HIVEP3: variants seen among roughly 807,000 people sequenced by gnomAD.
HIVEP3 encodes transcription factor HIVEP3.
A neutral mutation model predicts 152.8 loss-of-function variants in HIVEP3; 49 were observed. The ratio of observed to expected loss-of-function variants is 0.32; its 90% CI spans 0.26 to 0.41. The LOEUF (loss-of-function observed/expected upper bound fraction) is 0.41, where lower values mean the gene tolerates loss of function less well. HIVEP3 is among the 10% of genes least tolerant of loss of function. HIVEP3 has a pLI of 1.00. For missense variants in HIVEP3, 2,790 were observed against 3,103.3 expected (o/e 0.90, Z 2.40); for synonymous variants, 1,269 against 1,289.0 (o/e 0.98, Z 0.33).
At chr1:41,650,015 C>T (rs777660709) in intron 2 of HIVEP3, among the ~76,000 whole-genome samples, 12 of 151,900 alleles carry the variant, frequency 7.9e-5, no homozygotes, top group Non-Finnish European at 1.3e-4. Flanking sequence ...GGAACGGAAA[C>T]GGAAAAGAAA....
At chr1:41,667,116 C>G (rs1645807675) in intron 2 of HIVEP3, among the ~76,000 whole-genome samples, 1 of 152,348 alleles carries the variant, frequency 6.6e-6, no homozygotes. Flanking sequence ...ACAGACTGTC[C>G]TGGCTTGTGC....
intron 1 of HIVEP3, among the ~76,000 whole-genome samples, chr1:42,033,332 T>A (rs1411018213): frequency 1.3e-5 from 2 of 152,160 alleles, no homozygotes; most frequent in South Asian, 2.1e-4. Flanking sequence ...TCTTTTTTTT[T>A]AATTACAAAA....
At position 41,800,652 on chromosome 1, in the gene HIVEP3, A is replaced by G. The variant is rs571677694; in HGVS notation, c.-800-99657T>C. On this transcript the variant is annotated intron_variant, in intron 1 of 8. Transcript: ENST00000372583. ...TCTGTTAAGCCAGCAATAGATAATG[A>G]AACAGAAGGGAAGGCTCAGAAGCCA... Among the ~76,000 whole-genome samples, 11 of 152,364 alleles carry G rather than the reference A, an allele frequency of 7.2e-5. No individual in the cohort carries two copies. In the South Asian group the frequency reaches 2.3e-3, roughly 32 times the overall value.
intron 1 of HIVEP3, among the ~76,000 whole-genome samples, chr1:41,917,654 T>A (rs1644891513): frequency 6.6e-6 from 1 of 152,154 alleles, no homozygotes; most frequent in African/African-American, 2.4e-5. Flanking sequence ...TTAGGGACCA[T>A]TCGGCACCAT....
At chr1:41,638,011 C>T (rs994384327) in intron 2 of HIVEP3, among the ~76,000 whole-genome samples, 12 of 152,096 alleles carry the variant, frequency 7.9e-5, no homozygotes, top group African/African-American at 2.9e-4. Context: ...AATGTGTACA[C>T]ATGGACACGA....
intron 1 of HIVEP3, among the ~76,000 whole-genome samples, chr1:41,994,041 C>T (rs1255864404): frequency 3.3e-5 from 5 of 150,242 alleles, no homozygotes; most frequent in Non-Finnish European, 7.4e-5. Context: ...GGGAGATATA[C>T]ATAATGCTAG....
intron 1 of HIVEP3, among the ~76,000 whole-genome samples, chr1:41,961,545 A>G (rs959366282): frequency 2.6e-5 from 4 of 152,254 alleles, no homozygotes; most frequent in Non-Finnish European, 5.9e-5. Flanking sequence ...AGATGTGTGT[A>G]GCTGACCTGG....
chr1:41,699,253 G>A (rs544181580), intron 2 of HIVEP3, among the ~76,000 whole-genome samples: 2 of 152,324 alleles, frequency 1.3e-5, no homozygotes, highest in Admixed American at 1.3e-4. Flanking sequence ...ATACAGAGAG[G>A]CCTTCCTGAG....
intron 1 of HIVEP3, among the ~76,000 whole-genome samples, chr1:41,760,683 G>A (rs1178077290): frequency 6.6e-6 from 1 of 152,208 alleles, no homozygotes; most frequent in Non-Finnish European, 1.5e-5. Context: ...CCTGGGGCTT[G>A]GGGGCCCTCT....
chr1:41,782,936 C>T (rs1359725840), intron 1 of HIVEP3, among the ~76,000 whole-genome samples: 1 of 152,070 alleles, frequency 6.6e-6, no homozygotes, highest in African/African-American at 2.4e-5. Context: ...CACCTCACTC[C>T]CCCCACACTC....
rs143930754 is a variant in HIVEP3, at chr1:41,829,121, G to A, written c.-801+89292C>T. 2.2e-3 allele frequency among the ~76,000 whole-genome samples: 335 copies of A among 151,920 alleles called. 3 individuals carry two copies. Among genetic ancestry groups the A allele is most frequent in the African/African-American group, 7.7e-3 (321 of 41,510 alleles). On this transcript the variant is annotated intron_variant, in intron 1 of 8. Transcript: ENST00000372583. ...CTGGCCAGGCCAGGCACTCACATCA[G>A]TGACCCGGCACTATATCATGAATGG...
intron 1 of HIVEP3, among the ~76,000 whole-genome samples, chr1:41,954,451 T>C (rs914775583): frequency 7.2e-5 from 11 of 152,246 alleles, no homozygotes; most frequent in Non-Finnish European, 1.0e-4. Context: ...TCTCTGTCTC[T>C]CATTGAAAAC....
intron 1 of HIVEP3, among the ~76,000 whole-genome samples, chr1:41,968,987 G>T (rs926154162): frequency 6.6e-6 from 1 of 152,090 alleles, no homozygotes; most frequent in Non-Finnish European, 1.5e-5. Flanking sequence ...AAATATGTAG[G>T]ATTGCAGCTA....
chr1:41,844,449 C>T (rs1373962799), intron 1 of HIVEP3, among the ~76,000 whole-genome samples: 3 of 152,178 alleles, frequency 2.0e-5, no homozygotes, highest in African/African-American at 4.8e-5. Flanking sequence ...CAGGCAAAGG[C>T]GCCCTTCTCC....
intron 2 of HIVEP3, among the ~76,000 whole-genome samples, chr1:41,677,482 G>A (rs773622419): frequency 6.6e-6 from 1 of 152,206 alleles, no homozygotes; most frequent in Non-Finnish European, 1.5e-5. Flanking sequence ...ACTATAAAAT[G>A]GGGTAGTGAT....
intron 3 of HIVEP3, among the ~76,000 whole-genome samples, chr1:41,605,654 C>T (rs1644812997): frequency 6.6e-6 from 1 of 151,954 alleles, no homozygotes; most frequent in Non-Finnish European, 1.5e-5. Context: ...GGACGGCTCA[C>T]CAGCGTAGGC....
At chr1:41,641,095 TTTAC>T (rs1483060010) in intron 2 of HIVEP3, among the ~76,000 whole-genome samples, 1 of 152,346 alleles carries the variant, frequency 6.6e-6, no homozygotes, top group East Asian at 1.9e-4. Flanking sequence ...ATCTTTTAGC[TTTAC>T]TTATGTTTAT....
At chr1:41,771,300 A>G (rs879679885) in intron 1 of HIVEP3, among the ~76,000 whole-genome samples, 2 of 152,104 alleles carry the variant, frequency 1.3e-5, no homozygotes, top group African/African-American at 2.4e-5. Flanking sequence ...ACCCCCAAAA[A>G]ATTAATTTAC....
intron 1 of HIVEP3, among the ~76,000 whole-genome samples, chr1:41,939,941 A>G (rs1645037701): frequency 6.6e-6 from 1 of 151,258 alleles, no homozygotes; most frequent in Non-Finnish European, 1.5e-5. Flanking sequence ...TCTCATTATT[A>G]ATATATTTTC....
Sources: gnomAD v4.1 joint callset for allele counts (sites outside exome capture counted in the v4.1 genomes callset) on GRCh38, gnomAD v4.1.1 for gene constraint, MANE v1.5 for transcripts, NCBI Gene and HGNC (gene_info 2026-07-23, HGNC 2026-07-21) for gene names.